IQCH: variants seen among roughly 807,000 people sequenced by gnomAD.
IQCH encodes the protein IQ domain-containing protein H.
IQCH carries 98 observed loss-of-function variants against 117.0 expected under a neutral mutation model. That is an observed-to-expected ratio of 0.84 (90% confidence interval 0.71 to 0.99). The LOEUF (loss-of-function observed/expected upper bound fraction) is 0.99. Among genes scored for constraint, IQCH ranks in the 50% least tolerant of loss-of-function variants. The pLI, the probability that IQCH is intolerant of heterozygous loss-of-function variation, is 0.00. For missense variants in IQCH, 1,102 were observed against 1,243.8 expected, an observed-to-expected ratio of 0.89 and a Z score of 1.72; for synonymous variants, 412 against 448.2, an observed-to-expected ratio of 0.92 and a Z score of 1.02.
chr15:67,355,397 G>T (rs568397000), intron 6 of IQCH, among the ~76,000 whole-genome samples: 1 of 151,684 alleles, frequency 6.6e-6, no homozygotes, highest in East Asian at 1.9e-4. Flanking sequence ...CCAGCCTGTC[G>T]AACACAGTGA....
rs1970312467 is a variant in IQCH, at chr15:67,365,812, C to T, written c.753+5927C>T. Among the ~76,000 whole-genome samples the T allele has an allele frequency of 6.6e-6, 1 of 152,118 alleles. No homozygotes were observed. The highest frequency in any genetic ancestry group is 1.5e-5 in the Non-Finnish European group (1 of 68,026). On this transcript the variant is annotated intron_variant, in intron 8 of 20. Transcript: ENST00000335894. This position sits in a 1 kb window ranked among gnomAD's most constrained non-coding sequence, Gnocchi z 4.4. ...GGGTGTGGTGGCGCGTGCCTGTAAT[C>T]CTGGCTGCTCAGGAAGCTGAGGCAG... is the stretch of plus-strand genomic sequence containing the variant.
chr15:67,319,042 A>G (rs147962012), intron 4 of IQCH, among the ~76,000 whole-genome samples: 1 of 152,322 alleles, frequency 6.6e-6, no homozygotes, highest in African/African-American at 2.4e-5. Context: ...CCTGGCGAAC[A>G]TGGTGAAACC....
chr15:67,308,424 T>C (rs919041571), intron 4 of IQCH, among the ~76,000 whole-genome samples: 9 of 152,098 alleles, frequency 5.9e-5, no homozygotes, highest in Admixed American at 3.9e-4. Flanking sequence ...CCCTCCCTTT[T>C]CCCAGGAGCA....
At position 67,416,081 on chromosome 15, in the gene IQCH, A is replaced by G. The variant is rs2081568346; in HGVS notation, c.2098-850A>G. Among the ~76,000 whole-genome samples the G allele has an allele frequency of 6.6e-6, 1 of 152,132 alleles. No individual in the cohort carries two copies. The highest frequency in any genetic ancestry group is 1.9e-4 in the East Asian group (1 of 5,180). ...CTGTCTCAAAAAATTTTTTTTAAAA[A>G]TTAAAAAATATATGGAGGTGTCCAG... On this transcript the variant is annotated intron_variant, in intron 14 of 20. Coordinates refer to ENST00000335894, the MANE Select transcript of IQCH (RefSeq NM_001031715.3). This position sits in a 1 kb window ranked among gnomAD's most constrained non-coding sequence, Gnocchi z 5.1.
At position 67,416,686 on chromosome 15, in the gene IQCH, G is replaced by C. The variant is rs1200055319; in HGVS notation, c.2098-245G>C. Among the ~76,000 whole-genome samples the C allele has an allele frequency of 6.6e-6, 1 of 152,194 alleles. No individual in the cohort carries two copies. Among genetic ancestry groups the C allele is most frequent in the Non-Finnish European group, 1.5e-5 (1 of 68,030 alleles). Reference sequence around the variant, plus strand: ...GAAACCTCGTTTCCTGATGCCCAGAGAGAAGGGTGCCTTTCAGAGACAACA... The same window carrying C: ...GAAACCTCGTTTCCTGATGCCCAGACAGAAGGGTGCCTTTCAGAGACAACA... On this transcript the variant is annotated intron_variant, in intron 14 of 20. Transcript: ENST00000335894. The surrounding 1 kb of genome is among the most constrained non-coding windows in gnomAD (Gnocchi z 5.1).
At chr15:67,441,560 T>C (rs2082272082) in intron 16 of IQCH, among the ~76,000 whole-genome samples, 1 of 152,134 alleles carries the variant, frequency 6.6e-6, no homozygotes, top group African/African-American at 2.4e-5. Context: ...TGGAACTAAA[T>C]AGAGAACCCA....
chr15:67,273,255 G>A (rs1306564137), intron 3 of IQCH, among the ~76,000 whole-genome samples: 3 of 151,620 alleles, frequency 2.0e-5, no homozygotes, highest in African/African-American at 7.3e-5. Flanking sequence ...ATTTTTAGTA[G>A]AGACAGGGTT....
rs1040801439 is a variant in IQCH at position 67,475,739 on chromosome 15, G to A, written c.2720G>A (p.Arg907Lys). 1 of 1,613,960 alleles carries A rather than the reference G, an allele frequency of 6.2e-7. No homozygotes were observed. The highest frequency in any genetic ancestry group is 1.3e-5 in the African/African-American group (1 of 74,924). ...TATGCAGTGATGACCACCCAGCTAA[G>A]ACACAGCAATCTCTCACTGGTTTTC... is the stretch of plus-strand genomic sequence containing the variant. ...SRYAVMTTQL[R>K]HSNLSLVFHY... The change falls in exon 18 of 21, where the codon AGA becomes AAA. Residue 907 changes from arginine to lysine, a missense_variant. Around this residue, in one of 2 missense-constraint regions of IQCH, gnomAD observed 650 missense variants for 794.3 expected, o/e 0.82. Transcript: ENST00000335894. The surrounding 1 kb of genome is among the most constrained non-coding windows in gnomAD (Gnocchi z 5.7).
intron 4 of IQCH, chr15:67,281,920 C>G (rs796343505): frequency 2.7e-6 from 1 of 372,856 alleles, no homozygotes. Flanking sequence ...ACTCCCAAAG[C>G]AGCCCTCTCC....
chr15:67,352,952 C>T (rs930942460), intron 6 of IQCH, among the ~76,000 whole-genome samples: 2 of 152,000 alleles, frequency 1.3e-5, no homozygotes, highest in Non-Finnish European at 2.9e-5. Flanking sequence ...TCAAGACCAG[C>T]CTGACTAAAA....
intron 16 of IQCH, among the ~76,000 whole-genome samples, chr15:67,448,154 A>ACG (rs2082431087): frequency 2.7e-5 from 1 of 37,046 alleles, no homozygotes; most frequent in Non-Finnish European, 6.0e-5. Context: ...ATCCTAAGTG[A>ACG]CTCTGTGTGT....
intron 8 of IQCH, among the ~76,000 whole-genome samples, chr15:67,362,591 A>G (rs1366553237): frequency 1.3e-5 from 2 of 152,198 alleles, no homozygotes; most frequent in East Asian, 1.9e-4. Context: ...CACTGCCCCT[A>G]TCTGCTCTCA....
chr15:67,358,158 C>CAAA, intron 7 of IQCH, among the ~76,000 whole-genome samples: 1 of 53,112 alleles, frequency 1.9e-5, no homozygotes, highest in East Asian at 4.5e-4. Flanking sequence ...CACGCCTGGC[C>CAAA]TTTTTTTTTT....
Position 67,474,563 on chromosome 15 carries a change from A to C in IQCH, c.2677-1133A>C, listed in dbSNP as rs934471619. Among the ~76,000 whole-genome samples the C allele has an allele frequency of 2.6e-5, 4 of 152,202 alleles. No individual in the cohort carries two copies. The highest frequency in any genetic ancestry group is 6.5e-5 in the Admixed American group (1 of 15,278). On this transcript the variant is annotated intron_variant, in intron 17 of 20. Coordinates refer to ENST00000335894, the MANE Select transcript of IQCH (RefSeq NM_001031715.3). This position sits in a 1 kb window ranked among gnomAD's most constrained non-coding sequence, Gnocchi z 4.1. Reference sequence around the variant, plus strand: ...TTTAAATGTTTTCAGGAAATACATAATGACAGCACTTTGGGCCTACTATCA... The same window carrying C: ...TTTAAATGTTTTCAGGAAATACATACTGACAGCACTTTGGGCCTACTATCA...
rs575840340 is a variant in IQCH, at chr15:67,308,612, A to C, written c.388-28363A>C. Among the ~76,000 whole-genome samples, 5 of 152,228 alleles carry C rather than the reference A, an allele frequency of 3.3e-5. No individual in the cohort carries two copies. In the East Asian group the frequency reaches 9.7e-4, roughly 29 times the overall value. Reference sequence around the variant, plus strand: ...GTTGCTTAGAAAGAGTTTTTGACAAAGGAGTGACTTTTCATGTCCTTCCTG... The same window carrying C: ...GTTGCTTAGAAAGAGTTTTTGACAACGGAGTGACTTTTCATGTCCTTCCTG... On this transcript the variant is annotated intron_variant, in intron 4 of 20. Transcript: ENST00000335894.
At chr15:67,258,379 A>G (rs1196579903) in intron 1 of IQCH, among the ~76,000 whole-genome samples, 2 of 151,844 alleles carry the variant, frequency 1.3e-5, no homozygotes, top group African/African-American at 4.8e-5. Context: ...AAAAATACAA[A>G]AATTAGCCGA....
At position 67,294,278 on chromosome 15, in the gene IQCH, C is replaced by CT. The variant is rs1005570249; in HGVS notation, c.387+14767dup. Among the ~76,000 whole-genome samples, 52 of 152,256 alleles carry CT rather than the reference C, an allele frequency of 3.4e-4. 1 individual carries two copies. The highest frequency in any genetic ancestry group is 1.1e-3 in the African/African-American group (46 of 41,540). ...TGTCTTATTGTCTTTTCCTTCTCAGCTAGATTAGATGCCATGGTTGTGGCA... is the reference window on the plus strand; with the variant it reads ...TGTCTTATTGTCTTTTCCTTCTCAGCTTAGATTAGATGCCATGGTTGTGGCA... On this transcript the variant is annotated intron_variant, in intron 4 of 20. Coordinates refer to ENST00000335894, the MANE Select transcript of IQCH (RefSeq NM_001031715.3).
rs2083608218 is a variant in IQCH, at chr15:67,490,141, C to CATGCAT, written c.2861+78_2861+83dup. 37 of 940,654 alleles carry CATGCAT rather than the reference C, an allele frequency of 3.9e-5. No homozygotes were observed. In the South Asian group the frequency reaches 5.1e-4, roughly 13 times the overall value. The allele number at this position is 940,654 out of a possible 1,614,324, so 58.3% of individuals were successfully genotyped here. A position where few individuals can be genotyped will look rare whatever the true frequency, so the allele number is the denominator to read the frequency against. On this transcript the variant is annotated intron_variant, in intron 19 of 20. Transcript: ENST00000335894. The surrounding 1 kb of genome is among the most constrained non-coding windows in gnomAD (Gnocchi z 4.9). ...CACAACTAACAAGAATGATGCTTCT[C>CATGCAT]ATGCATTTTAATCAGCATGCTGATT...
chr15:67,400,646 G>A (rs983635786), intron 14 of IQCH, among the ~76,000 whole-genome samples: 10 of 151,182 alleles, frequency 6.6e-5, no homozygotes, highest in African/African-American at 2.4e-4. Context: ...CACCATGCCT[G>A]GCTAAATTTT....
Sources: allele counts gnomAD v4.1 joint callset (sites outside exome capture counted in the v4.1 genomes callset), GRCh38; gene constraint gnomAD v4.1.1; regional missense constraint gnomAD v4.1.1; non-coding constraint Gnocchi (gnomAD v3.1); transcripts MANE v1.5; gene names NCBI Gene and HGNC (gene_info 2026-07-23, HGNC 2026-07-21).